MAN2A2: variants seen among roughly 807,000 people sequenced by gnomAD.
MAN2A2 encodes the protein mannosidase alpha class 2A member 2.
Under a neutral mutation model 126.8 loss-of-function variants are expected in MAN2A2, and 79 were observed. That is an observed-to-expected ratio of 0.62 (90% CI 0.52 to 0.75). The LOEUF is 0.75. MAN2A2 is among the 30% of genes least tolerant of loss of function. The probability of loss-of-function intolerance (pLI) is 0.00; values close to 1 mark genes in which losing one functional copy is unlikely to be tolerated. For synonymous variants in MAN2A2, 671 were observed against 618.7 expected (o/e 1.08, Z -1.25); for missense variants, 1,392 against 1,522.4 (o/e 0.91, Z 1.43).
At chr15:90,916,767 T>C in intron 20 of MAN2A2, 3 of 817,878 alleles carry the variant, frequency 3.7e-6, no homozygotes, top group Non-Finnish European at 5.3e-6. Context: ...CAGATAGATA[T>C]TGAGCACCTG....
chr15:90,909,219 C>A, intron 8 of MAN2A2, 108 bp from the exon 9 acceptor site: 1 of 1,127,032 alleles, frequency 8.9e-7, no homozygotes, highest in Non-Finnish European at 1.3e-6. Context: ...TGAACCACTC[C>A]TTGGTGGATG....
At chr15:90,915,896 C>T in intron 19 of MAN2A2, 1 of 500,894 alleles carries the variant, frequency 2.0e-6, no homozygotes, top group East Asian at 3.2e-5. Context: ...GCCAGCCTTC[C>T]CCTTTCTGGA....
intron 2 of MAN2A2, 63 bp downstream of exon 2, chr15:90,904,402 T>C: frequency 1.9e-6 from 3 of 1,557,250 alleles, no homozygotes; most frequent in Non-Finnish European, 2.6e-6. Context: ...GGTATGCACC[T>C]CCCACCCCGC....
intron 8 of MAN2A2, among the ~76,000 whole-genome samples, chr15:90,909,044 G>C (rs917323995): frequency 4.6e-5 from 7 of 152,180 alleles, no homozygotes; most frequent in Non-Finnish European, 8.8e-5. Context: ...CTTTGGTGCT[G>C]CATCGCTAAC....
rs746682552 is a variant in MAN2A2, at chr15:90,905,951, A to C, written c.642A>C (p.Ala214=). 6.2e-7 allele frequency: 1 copy of C among 1,613,990 alleles called. No homozygotes were observed. The highest frequency in any genetic ancestry group is 8.5e-7 in the Non-Finnish European group (1 of 1,179,928). The change falls in exon 5 of 23, where the codon GCA becomes GCC. Residue 214 remains alanine, a synonymous_variant. Coordinates refer to ENST00000559717, the MANE Select transcript of MAN2A2 (RefSeq NM_006122.4). The part of the protein sequence containing the change: ...QEDPRRRFLW[A]EVSFFAKWWD... ...ACCCCCGGCGGCGCTTCCTCTGGGC[A>C]GAGGTCTCCTTCTTCGCCAAGTGGT...
In MAN2A2 at chr15:90,922,375, T is replaced by C. The variant is rs2035580673; in HGVS notation, c.*2588T>C. 6.6e-6 allele frequency: 1 copy of C among 152,028 alleles called. No individual in the cohort carries two copies. 9.4% of individuals were successfully genotyped at this position (152,028 alleles called of 1,614,324 possible). On this transcript the variant is annotated 3_prime_UTR_variant, in exon 23 of 23. Transcript: ENST00000559717. ...CCCATTTATATCATAGCAGAAGAAA[T>C]AGGATTATCAATGTGAACTGCTTAG...
rs1219122720 is a variant in MAN2A2 at position 90,922,041 on chromosome 15, C to CT, written c.*2257dup. 1 of 152,122 alleles carries CT rather than the reference C, an allele frequency of 6.6e-6. No individual in the cohort carries two copies. Among genetic ancestry groups the CT allele is most frequent in the Non-Finnish European group, 1.5e-5 (1 of 68,028 alleles). The allele number at this position is 152,122 out of a possible 1,614,324, so 9.4% of individuals were successfully genotyped here. A position where few individuals can be genotyped will look rare whatever the true frequency, so the allele number is the denominator to read the frequency against. ...CTGGTGTGGGACGGTCTTTTCTAAA[C>CT]TTTAACATGAGACTTAAAAGATATA... On this transcript the variant is annotated 3_prime_UTR_variant, in exon 23 of 23. Coordinates refer to ENST00000559717, the MANE Select transcript of MAN2A2 (RefSeq NM_006122.4).
chr15:90,916,222 G>A lies in MAN2A2; in HGVS notation c.2960G>A (p.Arg987His), dbSNP rs777153370. ...AACAAGAGAACCTGCAACCGTTTCCGCCTCCTGCTAGAGCGGCGAACCGTG... is the reference window on the plus strand; with the variant it reads ...AACAAGAGAACCTGCAACCGTTTCCACCTCCTGCTAGAGCGGCGAACCGTG... ...KDNKRTCNRFRLLLERRTVGS... is the reference protein window; with the variant it reads ...KDNKRTCNRFHLLLERRTVGS... The change falls in exon 20 of 23, where the codon CGC (arginine) becomes CAC (histidine). Residue 987 changes from arginine (R) to histidine (H), a missense_variant. Coordinates refer to ENST00000559717, the MANE Select transcript of MAN2A2 (RefSeq NM_006122.4). 36 of 1,614,030 alleles carry A rather than the reference G, an allele frequency of 2.2e-5. No homozygotes were observed. Among genetic ancestry groups the A allele is most frequent in the Middle Eastern group, 1.6e-4 (1 of 6,082 alleles).
rs761724319 is a variant in MAN2A2 at position 90,912,593 on chromosome 15, C to T, written c.2398C>T (p.Leu800Phe). The stretch of plus-strand genomic sequence containing the variant: ...CGAGCAGCAGGTGGACATGCAGGTC[C>T]TTGTCTATGGCACCCGTACGTCCAA... ...EHEQQVDMQV[L>F]VYGTRTSKDK... Residue 800 changes from leucine (L) to phenylalanine (F), a missense_variant, in exon 16 of 23, where the codon CTT becomes TTT. Leu to Phe is a conservative substitution (Grantham distance 22, BLOSUM62 0). Coordinates refer to ENST00000559717, the MANE Select transcript of MAN2A2 (RefSeq NM_006122.4). 9.9e-6 allele frequency: 16 copies of T among 1,614,192 alleles called. No individual in the cohort carries two copies. The highest frequency in any genetic ancestry group is 1.3e-5 in the Non-Finnish European group (15 of 1,180,026).
intron 1 of MAN2A2, 161 bp from the exon 2 acceptor site, chr15:90,904,029 G>A: frequency 1.3e-6 from 1 of 752,216 alleles, no homozygotes; most frequent in Non-Finnish European, 2.3e-6. Context: ...CTGCTACCAG[G>A]ACCAGGTGGG....
chr15:90,908,573 TATTTA>T (rs1005375159), intron 8 of MAN2A2, among the ~76,000 whole-genome samples: 3 of 144,914 alleles, frequency 2.1e-5, no homozygotes, highest in Non-Finnish European at 4.4e-5. Flanking sequence ...TTATTTTATT[TATTTA>T]ATTTAATTTT....
chr15:90,921,147 A>G lies in MAN2A2; in HGVS notation c.*1360A>G, dbSNP rs924190359. 5 of 152,248 alleles carry G rather than the reference A, an allele frequency of 3.3e-5. No homozygotes were observed. Among genetic ancestry groups the G allele is most frequent in the Admixed American group, 6.5e-5 (1 of 15,288 alleles). 9.4% of individuals were successfully genotyped at this position (152,248 alleles called of 1,614,324 possible). On this transcript the variant is annotated 3_prime_UTR_variant, in exon 23 of 23. Coordinates refer to ENST00000559717, the MANE Select transcript of MAN2A2 (RefSeq NM_006122.4). ...CAGATGAGGAACATAAGGAAGAATT[A>G]TAATTGTCATTATTTGTAGACAATA...
At position 90,921,203 on chromosome 15, in the gene MAN2A2, A is replaced by G. The variant is rs893885276; in HGVS notation, c.*1416A>G. ...GCCTACCTGTAAAACCTAAGAATCA[A>G]CTGAAGACCTGTTAAGAGTATTCTG... On this transcript the variant is annotated 3_prime_UTR_variant, in exon 23 of 23. Coordinates refer to ENST00000559717, the MANE Select transcript of MAN2A2 (RefSeq NM_006122.4). 1 of 152,246 alleles carries G rather than the reference A, an allele frequency of 6.6e-6. No individual in the cohort carries two copies. The highest frequency in any genetic ancestry group is 2.4e-5 in the African/African-American group (1 of 41,464). 9.4% of individuals were successfully genotyped at this position (152,246 alleles called of 1,614,324 possible). A position where few individuals can be genotyped will look rare whatever the true frequency, so the allele number is the denominator to read the frequency against.
At chr15:90,918,048 G>T in intron 20 of MAN2A2, 146 bp from the exon 21 acceptor site, 1 of 715,634 alleles carries the variant, frequency 1.4e-6, no homozygotes, top group Non-Finnish European at 2.4e-6. Context: ...GCGGAACCTC[G>T]CCTGGAGCCA....
At chr15:90,911,608 G>T in intron 14 of MAN2A2, 58 bp downstream of exon 14, 2 of 1,509,592 alleles carry the variant, frequency 1.3e-6, no homozygotes, top group Non-Finnish European at 8.9e-7. Flanking sequence ...GCCCCTCCCC[G>T]CCCGGCGACG....
intron 9 of MAN2A2, 108 bp downstream of exon 9, chr15:90,909,612 T>A: frequency 7.1e-6 from 8 of 1,125,746 alleles, no homozygotes; most frequent in Non-Finnish European, 9.7e-6. Flanking sequence ...CCCCTTTTTT[T>A]TTTTTTTTTG....
chr15:90,913,019 G>A, intron 17 of MAN2A2, 28 bp downstream of exon 17: 1 of 1,577,084 alleles, frequency 6.3e-7, no homozygotes, highest in Non-Finnish European at 8.7e-7. Context: ...GGAAGGGTCT[G>A]GAAGGAGGTG....
intron 13 of MAN2A2, 40 bp downstream of exon 13, chr15:90,911,278 TC>T (rs759179682): frequency 6.2e-7 from 1 of 1,611,122 alleles, no homozygotes; most frequent in Non-Finnish European, 8.5e-7. Flanking sequence ...GCAGAGCCAT[TC>T]CCTGGCTCTC....
intron 6 of MAN2A2, 57 bp from the exon 7 acceptor site, chr15:90,906,682 CG>C (rs1239431942): frequency 5.7e-6 from 9 of 1,591,170 alleles, no homozygotes; most frequent in African/African-American, 1.3e-5. Context: ...CCTGGAAGGC[CG>C]GGGGGCCAGC....
Sources: gnomAD v4.1 joint callset for allele counts (sites outside exome capture counted in the v4.1 genomes callset) on GRCh38, gnomAD v4.1.1 for gene constraint, MANE v1.5 for transcripts, NCBI Gene and HGNC (gene_info 2026-07-23, HGNC 2026-07-21) for gene names.